KLHL6: variants seen among roughly 807,000 people sequenced by gnomAD.
KLHL6 encodes kelch-like protein 6.
KLHL6 carries 41 observed loss-of-function variants against 58.6 expected under a neutral mutation model. The observed-to-expected ratio is 0.70, with a 90% CI of 0.55 to 0.91. KLHL6 has a LOEUF of 0.91. Ranked by LOEUF, KLHL6 falls within the 40% of genes least tolerant of loss-of-function variation. KLHL6 has a pLI of 0.00. For synonymous variants in KLHL6, 338 were observed against 322.7 expected (o/e 1.05, Z -0.51); for missense variants, 714 against 805.6 (o/e 0.89, Z 1.38).
chr3:183,505,587 G>T (rs943055245), intron 3 of KLHL6, among the ~76,000 whole-genome samples: 15 of 151,134 alleles, frequency 9.9e-5, no homozygotes, highest in Admixed American at 7.3e-4. Flanking sequence ...AAAATCAAAT[G>T]AAACTAGACA....
chr3:183,528,061 G>A (rs552170102), intron 1 of KLHL6, 51 bp from the exon 2 acceptor site: 7 of 1,601,314 alleles, frequency 4.4e-6, no homozygotes, highest in Middle Eastern at 3.3e-4. Flanking sequence ...TTGGTTCCAG[G>A]CCTAAAGAGA....
At chr3:183,504,374 A>G (rs1417347486) in intron 3 of KLHL6, among the ~76,000 whole-genome samples, 1 of 152,218 alleles carries the variant, frequency 6.6e-6, no homozygotes, top group Non-Finnish European at 1.5e-5. Flanking sequence ...TGGAGTCAAG[A>G]TTAACACCCA....
chr3:183,545,667 G>A (rs551512828), intron 1 of KLHL6, among the ~76,000 whole-genome samples: 11 of 152,186 alleles, frequency 7.2e-5, no homozygotes, highest in East Asian at 3.9e-4. Flanking sequence ...CTTCTGCCCT[G>A]GTGCAGAACC....
intron 2 of KLHL6, chr3:183,520,837 C>T (rs1035102724): frequency 5.3e-5 from 8 of 151,938 alleles, no homozygotes; most frequent in South Asian, 4.2e-4. Flanking sequence ...TTTCCAGGGA[C>T]GAGCAGAAGA....
intron 2 of KLHL6, among the ~76,000 whole-genome samples, chr3:183,510,936 GC>G (rs1433401575): frequency 6.6e-6 from 1 of 152,032 alleles, no homozygotes; most frequent in African/African-American, 2.4e-5. Flanking sequence ...AAGGGGGCCA[GC>G]CCCTCTACAC....
intron 1 of KLHL6, among the ~76,000 whole-genome samples, chr3:183,540,732 C>T (rs183031529): frequency 4.5e-4 from 69 of 152,282 alleles, no homozygotes; most frequent in African/African-American, 1.1e-3. Flanking sequence ...AGCTCTCCTA[C>T]CTGAGAGTTT....
Position 183,494,198 on chromosome 3 carries a change from G to A in KLHL6, c.1231C>T (p.Arg411Cys), listed in dbSNP as rs187079586. The change falls in exon 5 of 7, where the codon CGC becomes TGC. Residue 411 changes from arginine (R) to cysteine (C), a missense_variant. Transcript: ENST00000341319. ...AACACCACCATCTTATGCCTCCAGC[G>A]GCCTATGTTTAAATACTCAATCTGA... ...WIQIEYLNIG[R>C]WRHKMVVLGG... is the part of the protein sequence containing the mutation. The A allele has an allele frequency of 3.7e-6, 6 of 1,613,760 alleles. No homozygotes were observed. The highest frequency in any genetic ancestry group is 5.1e-6 in the Non-Finnish European group (6 of 1,179,736).
intron 2 of KLHL6, chr3:183,520,715 G>C (rs1711728765): frequency 6.6e-6 from 1 of 152,018 alleles, no homozygotes; most frequent in Admixed American, 6.5e-5. Flanking sequence ...AAACATCTCA[G>C]TGTAGTAAAG....
Position 183,499,529 on chromosome 3 carries a change from C to T in KLHL6, c.1147+61G>A. ...TCTTCTAGGATGGTTGCCTGGCTGC[C>T]ACTCAGGAATATATGTAGTGCTACT... On this transcript the variant is annotated intron_variant, in intron 4 of 6. Transcript: ENST00000341319. This position sits in a 1 kb window ranked among gnomAD's most constrained non-coding sequence, Gnocchi z 4.6. The T allele has an allele frequency of 8.8e-7, 1 of 1,141,494 alleles. No individual in the cohort carries two copies. The allele number at this position is 1,141,494 out of a possible 1,614,324, so 70.7% of individuals were successfully genotyped here. A position where few individuals can be genotyped will look rare whatever the true frequency, so the allele number is the denominator to read the frequency against.
intron 5 of KLHL6, chr3:183,493,850 G>C: frequency 3.6e-6 from 2 of 551,976 alleles, no homozygotes; most frequent in Non-Finnish European, 6.5e-6. Flanking sequence ...ATTAGGACAG[G>C]TGCCCACACA....
chr3:183,492,627 G>T lies in KLHL6; in HGVS notation c.1431C>A (p.Pro477=). The change falls in exon 6 of 7, where the codon CCC becomes CCA. Residue 477 remains proline (P), a synonymous_variant. Coordinates refer to ENST00000341319, the MANE Select transcript of KLHL6 (RefSeq NM_130446.4). The surrounding 1 kb of genome is among the most constrained non-coding windows in gnomAD (Gnocchi z 5.9). ...KKKLYVIGGG[P]NGKLATDKTQ... Reference sequence around the variant, plus strand: ...TCTTGTCTGTGGCCAGTTTCCCATTGGGCCCTCCCCCGATCACATACAGCT... The same window carrying T: ...TCTTGTCTGTGGCCAGTTTCCCATTTGGCCCTCCCCCGATCACATACAGCT... 6.2e-7 allele frequency: 1 copy of T among 1,614,130 alleles called. No homozygotes were observed. The highest frequency in any genetic ancestry group is 2.2e-5 in the East Asian group (1 of 44,874).
chr3:183,523,025 G>C (rs1163948427), intron 2 of KLHL6: 2 of 152,142 alleles, frequency 1.3e-5, no homozygotes, highest in East Asian at 3.9e-4. Context: ...GCATGGTCTC[G>C]ATCTCCTGAC....
At chr3:183,495,438 T>C (rs1342297546) in intron 4 of KLHL6, among the ~76,000 whole-genome samples, 1 of 152,218 alleles carries the variant, frequency 6.6e-6, no homozygotes, top group African/African-American at 2.4e-5. Flanking sequence ...GCTATTTTCC[T>C]TTGGGTGGGG....
chr3:183,554,422 C>T (rs551017079), intron 1 of KLHL6, among the ~76,000 whole-genome samples: 75 of 152,286 alleles, frequency 4.9e-4, no homozygotes, highest in African/African-American at 1.8e-3. Context: ...TTGTGCTCAC[C>T]TTACAGATGA....
Position 183,508,399 on chromosome 3 carries a change from T to G in KLHL6, c.569A>C (p.Lys190Thr), listed in dbSNP as rs1170715890. 2.5e-6 allele frequency: 4 copies of G among 1,614,120 alleles called. No individual in the cohort carries two copies. The highest frequency in any genetic ancestry group is 1.3e-5 in the African/African-American group (1 of 74,920). Residue 190 changes from lysine to threonine, a missense_variant, in exon 3 of 7, where the codon AAG becomes ACG. Transcript: ENST00000341319. ...LADTHSLDSL[K>T]KQVQSYIIQN... Reference sequence around the variant, plus strand: ...AATGATGTAACTCTGAACCTGCTTCTTTAGACTGTCCAGCGAGTGTGTGTC... The same window carrying G: ...AATGATGTAACTCTGAACCTGCTTCGTTAGACTGTCCAGCGAGTGTGTGTC...
At chr3:183,538,392 GTCTGCCCCCTGT>G (rs1251042083) in intron 1 of KLHL6, among the ~76,000 whole-genome samples, 1 of 152,072 alleles carries the variant, frequency 6.6e-6, no homozygotes, top group Non-Finnish European at 1.5e-5. Context: ...GGCTCCACCT[GTCTGCCCCCTGT>G]TCTGTCCTTC....
intron 1 of KLHL6, among the ~76,000 whole-genome samples, chr3:183,539,395 C>A (rs1013554626): frequency 6.6e-6 from 1 of 152,134 alleles, no homozygotes; most frequent in Non-Finnish European, 1.5e-5. Flanking sequence ...TGACTCTAAG[C>A]ATCAGCAGGC....
At chr3:183,555,167 AAAAT>A (rs1304380544) in intron 1 of KLHL6, among the ~76,000 whole-genome samples, 190 bp downstream of exon 1, 6 of 152,156 alleles carry the variant, frequency 3.9e-5, no homozygotes, top group Non-Finnish European at 5.9e-5. Context: ...CTCCGTCTCA[AAAAT>A]AAATAAATAA....
rs767986361 is a variant in KLHL6 at position 183,491,810 on chromosome 3, T to TC, written c.*116dup. The TC allele has an allele frequency of 6.7e-4, 590 of 881,488 alleles. No homozygotes were observed. Among genetic ancestry groups the TC allele is most frequent in the Non-Finnish European group, 8.9e-4 (552 of 620,764 alleles). The allele number at this position is 881,488 out of a possible 1,614,324, so 54.6% of individuals were successfully genotyped here. On this transcript the variant is annotated 3_prime_UTR_variant, in exon 7 of 7. Transcript: ENST00000341319. ...GTTCCCCCAAAGTGAGTCAAGGGGA[T>TC]CCCCTGATGTATGGCCTCAAACTCG...
Sources: gnomAD v4.1 joint callset for allele counts (sites outside exome capture counted in the v4.1 genomes callset) on GRCh38, gnomAD v4.1.1 for gene constraint, Gnocchi (gnomAD v3.1) non-coding constraint, MANE v1.5 for transcripts, NCBI Gene and HGNC (gene_info 2026-07-23, HGNC 2026-07-21) for gene names.